Variants in KIF23 observed in about 807,000 individuals in gnomAD.
KIF23 encodes the protein kinesin family member 23.
Under a neutral mutation model 137.5 loss-of-function variants are expected in KIF23, and 30 were observed. That is an observed-to-expected ratio of 0.22 (90% CI 0.16 to 0.30). The LOEUF is 0.30. Ranked by LOEUF, KIF23 falls within the 10% of genes least tolerant of loss-of-function variation. The pLI is 1.00. For synonymous variants in KIF23, 367 were observed against 391.1 expected, an observed-to-expected ratio of 0.94 and a Z score of 0.73; for missense variants, 920 against 1,194.3, an observed-to-expected ratio of 0.77 and a Z score of 3.38.
Position 69,440,019 on chromosome 15 carries a change from T to TAG in KIF23, c.1873_1874dup (p.Ala626LysfsTer8), listed in dbSNP as rs1273969522. ...CGACAGTTTTCTGACAAACGCAGAT[T>TAG]AGAAGCCAGGTTGCAAGGCATGGTG... On this transcript the variant is annotated frameshift_variant, in exon 17 of 24. Transcript: ENST00000679126. LOFTEE classifies it high-confidence loss of function. 3.1e-6 allele frequency: 5 copies of TAG among 1,613,886 alleles called. No homozygotes were observed.
intron 1 of KIF23, 111 bp downstream of exon 1, chr15:69,414,587 G>C: frequency 1.7e-6 from 2 of 1,189,852 alleles, no homozygotes; most frequent in African/African-American, 1.8e-5. Context: ...AGCGCGGACA[G>C]CATCCCGCCC....
intron 3 of KIF23, among the ~76,000 whole-genome samples, chr15:69,418,977 CATG>C (rs1190987176): frequency 6.6e-6 from 1 of 152,044 alleles, no homozygotes; most frequent in African/African-American, 2.4e-5. Flanking sequence ...ATTAGCCGGG[CATG>C]ATGACGTGTG....
chr15:69,427,552 G>T, intron 10 of KIF23: 1 of 436,598 alleles, frequency 2.3e-6, no homozygotes, highest in Non-Finnish European at 4.6e-6. Flanking sequence ...CATTTTTCAG[G>T]GTAGGTATAG....
At position 69,445,404 on chromosome 15, in the gene KIF23, G is replaced by A. The variant is rs146610998; in HGVS notation, c.2673+363G>A. 3.5e-3 allele frequency among the ~76,000 whole-genome samples: 536 copies of A among 152,064 alleles called. 2 individuals are homozygous for A. The highest frequency in any genetic ancestry group is 5.5e-3 in the Non-Finnish European group (375 of 67,976). On this transcript the variant is annotated intron_variant, in intron 20 of 23. Transcript: ENST00000679126. The stretch of plus-strand genomic sequence containing the variant: ...TAAAAAAACAAAAACAAAACAAAAC[G>A]AAACCTATGTTAAAATTTGACCCGT...
chr15:69,446,679 A>T, intron 22 of KIF23, 192 bp from the exon 23 acceptor site: 1 of 651,024 alleles, frequency 1.5e-6, no homozygotes, highest in Admixed American at 2.4e-5. Context: ...TGACCTAAAG[A>T]CCTTTCTGGC....
chr15:69,434,531 T>C, intron 11 of KIF23: 3 of 821,758 alleles, frequency 3.7e-6, no homozygotes, highest in Non-Finnish European at 4.1e-6. Flanking sequence ...CTGGATCTCA[T>C]AGTTTTCTTT....
chr15:69,436,581 G>A lies in KIF23; in HGVS notation c.1456G>A (p.Val486Met), dbSNP rs780917246. The change falls in exon 15 of 24, where the codon GTG becomes ATG. Residue 486 changes from valine to methionine, a missense_variant. By Grantham distance (21) the Val-to-Met change is conservative. This residue lies in a region of KIF23 where 714 missense variants were observed against 866.2 expected (regional missense o/e 0.82). Coordinates refer to ENST00000679126, the MANE Select transcript of KIF23 (RefSeq NM_001367805.3). ...CAATACAGAACCATTGGTTACTGAC[G>A]TGGTTTTGCAGAGTTTTCCACCTTT... ...PVGNEPLVTD[V>M]VLQSFPPLPS... is the part of the protein sequence containing the mutation. The A allele has an allele frequency of 5.0e-6, 8 of 1,610,192 alleles. No homozygotes were observed. The highest frequency in any genetic ancestry group is 6.8e-6 in the Non-Finnish European group (8 of 1,178,154).
At chr15:69,416,728 G>A (rs2056919759) in intron 2 of KIF23, among the ~76,000 whole-genome samples, 1 of 152,164 alleles carries the variant, frequency 6.6e-6, no homozygotes, top group Non-Finnish European at 1.5e-5. Context: ...GCTGAGGCGG[G>A]TGGATCACCT....
At chr15:69,437,020 G>C (rs2057500466) in intron 15 of KIF23, among the ~76,000 whole-genome samples, 1 of 152,174 alleles carries the variant, frequency 6.6e-6, no homozygotes, top group Admixed American at 6.5e-5. Context: ...CTCCTAAAGT[G>C]CTGGGATTAC....
At chr15:69,415,834 T>A (rs1417695619) in intron 1 of KIF23, among the ~76,000 whole-genome samples, 160 bp from the exon 2 acceptor site, 1 of 152,226 alleles carries the variant, frequency 6.6e-6, no homozygotes, top group African/African-American at 2.4e-5. Flanking sequence ...ACAAACACTC[T>A]GCTACTATGA....
At chr15:69,427,334 G>C in intron 10 of KIF23, 1 of 454,232 alleles carries the variant, frequency 2.2e-6, no homozygotes, top group Non-Finnish European at 4.4e-6. Flanking sequence ...GTATGTAGGC[G>C]ATGACATTAA....
chr15:69,436,665 G>A lies in KIF23; in HGVS notation c.1540G>A (p.Ala514Thr), dbSNP rs1248778729. 5 of 1,609,314 alleles carry A rather than the reference G, an allele frequency of 3.1e-6. No homozygotes were observed. Among genetic ancestry groups the A allele is most frequent in the Non-Finnish European group, 3.4e-6 (4 of 1,177,080 alleles). The part of the protein sequence containing the change: ...DEQTLPRLIE[A>T]LEKRHNLRQM... ...GCAGACACTTCCAAGGCTGATTGAA[G>A]CCTTAGAGAAACGACATAACTTACG... Residue 514 changes from alanine (A) to threonine (T), a missense_variant, in exon 15 of 24, where the codon GCC (alanine) becomes ACC (threonine). Ala to Thr is a moderately conservative substitution (Grantham distance 58, BLOSUM62 0). Around this residue, in one of 4 missense-constraint regions of KIF23, gnomAD observed 714 missense variants for 866.2 expected, o/e 0.82. Transcript: ENST00000679126.
At chr15:69,417,287 G>C in intron 2 of KIF23, 96 bp from the exon 3 acceptor site, 1 of 1,186,086 alleles carries the variant, frequency 8.4e-7, no homozygotes, top group Non-Finnish European at 1.1e-6. Context: ...TTGAGAGACT[G>C]AATGTTTGTT....
At chr15:69,433,142 T>C (rs1567069766) in intron 11 of KIF23, among the ~76,000 whole-genome samples, 1 of 152,054 alleles carries the variant, frequency 6.6e-6, no homozygotes, top group South Asian at 2.1e-4. Flanking sequence ...GAGAGCACAG[T>C]GGAAGAAGAA....
rs761283609 is a variant in KIF23, at chr15:69,446,827, A to G, written c.2839-44A>G. ...GCTAAATAACTGTGTTTTATAGACT[A>G]TTGAGAGGAGCTGATCTTTTTCCTC... is the stretch of plus-strand genomic sequence containing the variant. On this transcript the variant is annotated intron_variant, in intron 22 of 23. Coordinates refer to ENST00000679126, the MANE Select transcript of KIF23 (RefSeq NM_001367805.3). 7.1e-6 allele frequency: 11 copies of G among 1,551,130 alleles called. 1 individual carries two copies. Among genetic ancestry groups the G allele is most frequent in the Middle Eastern group, 3.6e-4 (2 of 5,622 alleles).
At chr15:69,422,773 T>C (rs2057090527) in intron 6 of KIF23, 1 of 298,836 alleles carries the variant, frequency 3.3e-6, no homozygotes, top group Non-Finnish European at 6.1e-6. Context: ...GATATTTATT[T>C]TATCTGTTAG....
In KIF23 at chr15:69,438,113, GT is replaced by G. The variant is rs79791151; in HGVS notation, c.1598-131del. The G allele has an allele frequency of 1.3e-3, 930 of 692,390 alleles. 16 individuals are homozygous for G. The East Asian group carries it at 0.023, about 17-fold the overall frequency. 42.9% of individuals were successfully genotyped at this position (692,390 alleles called of 1,614,324 possible). A position where few individuals can be genotyped will look rare whatever the true frequency, so the allele number is the denominator to read the frequency against. ...AAGCTCCTGATTTCCCTCTAAACTT[GT>G]TTTCTCATTATAGACTGATTCTCAC... On this transcript the variant is annotated intron_variant, in intron 15 of 23. Coordinates refer to ENST00000679126, the MANE Select transcript of KIF23 (RefSeq NM_001367805.3).
At position 69,414,361 on chromosome 15, in the gene KIF23, G is replaced by C; in HGVS notation, c.-105G>C. The C allele has an allele frequency of 6.7e-7, 1 of 1,490,814 alleles. No homozygotes were observed. The highest frequency in any genetic ancestry group is 9.1e-7 in the Non-Finnish European group (1 of 1,101,944). The allele number at this position is 1,490,814 out of a possible 1,614,324, so 92.3% of individuals were successfully genotyped here. ...CGCCGCCGGCTTCGCAGAGCACCGC[G>C]CCTTAGCCGCGAAGTTCTAGTTCTT... On this transcript the variant is annotated 5_prime_UTR_variant, in exon 1 of 24. Coordinates refer to ENST00000679126, the MANE Select transcript of KIF23 (RefSeq NM_001367805.3).
intron 11 of KIF23, chr15:69,434,930 G>GC (rs1432187631): frequency 1.0e-5 from 7 of 688,018 alleles, no homozygotes; most frequent in Non-Finnish European, 1.8e-5. Context: ...GCAGGTTGCA[G>GC]CTGTACGCGG....
Sources: allele counts gnomAD v4.1 joint callset (sites outside exome capture counted in the v4.1 genomes callset), GRCh38; gene constraint gnomAD v4.1.1; regional missense constraint gnomAD v4.1.1; transcripts MANE v1.5; gene names NCBI Gene and HGNC (gene_info 2026-07-23, HGNC 2026-07-21).